PLEKHG7: variants seen among roughly 807,000 people sequenced by gnomAD.
The protein encoded by PLEKHG7 is pleckstrin homology and RhoGEF domain containing G7, also known as pleckstrin homology domain-containing family G member 7.
PLEKHG7 carries 77 observed loss-of-function variants against 85.2 expected under a neutral mutation model. That is an observed-to-expected ratio of 0.90 (90% CI 0.75 to 1.09). PLEKHG7 has a LOEUF of 1.09. Ranked by LOEUF, PLEKHG7 falls within the 50% of genes least tolerant of loss-of-function variation. The pLI is 0.00. For synonymous variants in PLEKHG7, 301 were observed against 302.4 expected (o/e 1.00, Z 0.05); for missense variants, 777 against 804.3 (o/e 0.97, Z 0.41).
chr12:92,703,379 T>C (rs141332262), intron 1 of PLEKHG7, among the ~76,000 whole-genome samples: 59 of 152,386 alleles, frequency 3.9e-4, no homozygotes, highest in African/African-American at 1.4e-3. Flanking sequence ...GGTGACCATG[T>C]ATTAATTTCC....
At chr12:92,721,342 T>TG (rs71433858) in intron 3 of PLEKHG7, 10 of 700,556 alleles carry the variant, frequency 1.4e-5, no homozygotes, top group African/African-American at 1.9e-5. Context: ...GCAGTGGGGT[T>TG]GGGGGGGAAT....
At chr12:92,708,136 T>G (rs1313754782) in intron 3 of PLEKHG7, 1 of 155,444 alleles carries the variant, frequency 6.4e-6, no homozygotes, top group African/African-American at 2.4e-5. Context: ...GACTGTGTCA[T>G]TTCCAAAACC....
At chr12:92,761,623 G>GAAGAAAGAAAGAAAGGAAGGAAGA in intron 13 of PLEKHG7, 129 bp from the exon 14 acceptor site, 1 of 716,896 alleles carries the variant, frequency 1.4e-6, no homozygotes, top group Non-Finnish European at 1.9e-6. Context: ...AAGAAAGAAA[G>GAAGAAAGAAAGAAAGGAAGGAAGA]AAGAAAGAAA....
chr12:92,732,266 G>A lies in PLEKHG7; in HGVS notation c.692G>A (p.Arg231Lys), dbSNP rs1872013550. The A allele has an allele frequency of 8.1e-7, 1 of 1,231,370 alleles. No individual in the cohort carries two copies. The highest frequency in any genetic ancestry group is 1.6e-5 in the African/African-American group (1 of 64,374). The allele number at this position is 1,231,370 out of a possible 1,614,324, so 76.3% of individuals were successfully genotyped here. ...AAGCCAAGATGGCCTTTCTCCAAAA[G>A]AGGAGTGGTAAGTGTTGCAAATTGC... Reference protein sequence around the residue: ...SKKPRWPFSKRGVGKDKHKHI... With the variant: ...SKKPRWPFSKKGVGKDKHKHI... Residue 231 changes from arginine (R) to lysine (K), a missense_variant, in exon 5 of 17, where the codon AGA (arginine) becomes AAA (lysine). Arg to Lys is a conservative substitution (Grantham distance 26). Transcript: ENST00000344636.
At chr12:92,765,029 G>A (rs944519284) in intron 15 of PLEKHG7, among the ~76,000 whole-genome samples, 7 of 152,060 alleles carry the variant, frequency 4.6e-5, no homozygotes, top group Non-Finnish European at 8.8e-5. Flanking sequence ...AAGAGAAAGC[G>A]CTCACCATCC....
rs535776017 is a variant in PLEKHG7, at chr12:92,763,958, T to A, written c.1717-83T>A. The A allele has an allele frequency of 1.5e-5, 18 of 1,188,918 alleles. No individual in the cohort carries two copies. The South Asian group carries it at 2.1e-4, about 14-fold the overall frequency. 73.6% of individuals were successfully genotyped at this position (1,188,918 alleles called of 1,614,324 possible). On this transcript the variant is annotated intron_variant, in intron 14 of 16. Transcript: ENST00000344636. ...GTTTTTAGGCAATTGTTTCTCAGAA[T>A]CTATTTGCTTACAGATGCACTTTAG...
intron 5 of PLEKHG7, among the ~76,000 whole-genome samples, chr12:92,732,835 G>T (rs565477120): frequency 6.6e-6 from 1 of 152,250 alleles, no homozygotes; most frequent in South Asian, 2.1e-4. Context: ...CAGTCAAGCC[G>T]TTCCTTCTGG....
chr12:92,742,970 T>C (rs1193100159), intron 9 of PLEKHG7, among the ~76,000 whole-genome samples: 1 of 152,076 alleles, frequency 6.6e-6, no homozygotes, highest in African/African-American at 2.4e-5. Flanking sequence ...TTACTAAGGG[T>C]CTATAATAAA....
intron 3 of PLEKHG7, among the ~76,000 whole-genome samples, chr12:92,710,608 T>A (rs1298713937): frequency 6.6e-6 from 1 of 152,214 alleles, no homozygotes; most frequent in Non-Finnish European, 1.5e-5. Flanking sequence ...AAGTTCAGTA[T>A]AATCAACCTG....
intron 3 of PLEKHG7, among the ~76,000 whole-genome samples, chr12:92,709,919 G>A (rs1366940685): frequency 6.6e-6 from 1 of 152,046 alleles, no homozygotes; most frequent in Non-Finnish European, 1.5e-5. Flanking sequence ...GTGTGGTGGT[G>A]GGCACCTATA....
chr12:92,725,508 G>A (rs1003232092), intron 3 of PLEKHG7, among the ~76,000 whole-genome samples: 6 of 152,124 alleles, frequency 3.9e-5, no homozygotes, highest in Non-Finnish European at 7.3e-5. Context: ...TAATACAATT[G>A]GAAGATGTTG....
At chr12:92,763,229 G>T (rs1476022525) in intron 14 of PLEKHG7, among the ~76,000 whole-genome samples, 1 of 152,026 alleles carries the variant, frequency 6.6e-6, no homozygotes, top group Non-Finnish European at 1.5e-5. Context: ...TACCATGCAG[G>T]TCACAATTTT....
intron 3 of PLEKHG7, among the ~76,000 whole-genome samples, chr12:92,726,089 G>A (rs1226722227): frequency 1.3e-5 from 2 of 152,308 alleles, no homozygotes; most frequent in Admixed American, 6.5e-5. Context: ...TGACAAGAAA[G>A]AGGGCATGGG....
chr12:92,729,605 G>A (rs186820449), intron 4 of PLEKHG7, among the ~76,000 whole-genome samples: 10 of 152,120 alleles, frequency 6.6e-5, no homozygotes, highest in South Asian at 2.1e-4. Context: ...GGGATAAAGC[G>A]TCTGCATCTT....
chr12:92,741,084 G>A (rs1872342708), intron 8 of PLEKHG7, 136 bp downstream of exon 8: 2 of 563,512 alleles, frequency 3.5e-6, no homozygotes, highest in Non-Finnish European at 6.0e-6. Flanking sequence ...AGGTTAATAA[G>A]AAAGAAGTTG....
At chr12:92,758,831 G>T (rs1370569109) in intron 13 of PLEKHG7, among the ~76,000 whole-genome samples, 1 of 152,210 alleles carries the variant, frequency 6.6e-6, no homozygotes, top group Admixed American at 6.5e-5. Flanking sequence ...ATCGAGATTT[G>T]ATGGGGCAGG....
intron 3 of PLEKHG7, among the ~76,000 whole-genome samples, chr12:92,713,965 C>T (rs922783090): frequency 3.3e-5 from 5 of 152,136 alleles, no homozygotes; most frequent in African/African-American, 1.2e-4. Context: ...CACCATTATC[C>T]CACACCCTTA....
chr12:92,756,454 C>A (rs942884011), intron 13 of PLEKHG7, 63 bp downstream of exon 13: 5 of 1,282,730 alleles, frequency 3.9e-6, no homozygotes, highest in Non-Finnish European at 5.7e-6. Context: ...GTTTGACTGC[C>A]AGTAATTGAA....
chr12:92,763,312 G>T (rs1658375456), intron 14 of PLEKHG7, among the ~76,000 whole-genome samples: 1 of 152,034 alleles, frequency 6.6e-6, no homozygotes, highest in South Asian at 2.1e-4. Flanking sequence ...ATAAATTCTA[G>T]AGCATGGAAT....
Sources: gnomAD v4.1 joint callset for allele counts (sites outside exome capture counted in the v4.1 genomes callset) on GRCh38, gnomAD v4.1.1 for gene constraint, MANE v1.5 for transcripts, NCBI Gene and HGNC (gene_info 2026-07-23, HGNC 2026-07-21) for gene names.